The following PCLO variants were observed in gnomAD, a reference collection of about 807,000 sequenced individuals.
PCLO encodes protein piccolo.
PCLO carries 82 observed loss-of-function variants against 427.5 expected under a neutral mutation model. That is an observed-to-expected ratio of 0.19 (90% CI 0.16 to 0.23). The LOEUF is 0.23. Ranked by LOEUF, PCLO falls within the 10% of genes least tolerant of loss-of-function variation. The pLI is 1.00. For synonymous variants in PCLO, 2,357 were observed against 2,155.4 expected, an observed-to-expected ratio of 1.09 and a Z score of -2.59; for missense variants, 6,239 against 6,115.9, an observed-to-expected ratio of 1.02 and a Z score of -0.67.
At chr7:82,910,615 A>G (rs1794299292) in intron 7 of PCLO, among the ~76,000 whole-genome samples, 1 of 152,124 alleles carries the variant, frequency 6.6e-6, no homozygotes, top group Non-Finnish European at 1.5e-5. Context: ...GCATCCAATA[A>G]ATATTGGCAT....
chr7:82,827,987 G>A (rs936486311), intron 16 of PCLO, 21 bp from the exon 17 acceptor site: 2 of 1,351,696 alleles, frequency 1.5e-6, no homozygotes, highest in African/African-American at 2.9e-5. Flanking sequence ...AGAAAAGAAA[G>A]AGTTATCTTG....
Position 82,784,934 on chromosome 7 carries a change from T to C in PCLO, c.15007+16584A>G, listed in dbSNP as rs548663333. On this transcript the variant is annotated intron_variant, in intron 22 of 24. Transcript: ENST00000333891. The stretch of plus-strand genomic sequence containing the variant: ...ATATTTTATGTATCTGTTCCTCTAG[T>C]TATGGAGAAATAAATATATTGCCTC... Among the ~76,000 whole-genome samples, 16 of 152,354 alleles carry C rather than the reference T, an allele frequency of 1.1e-4. No homozygotes were observed. In the South Asian group the frequency reaches 3.1e-3, roughly 30 times the overall value.
chr7:82,979,008 A>G (rs1434869159), intron 3 of PCLO, among the ~76,000 whole-genome samples: 1 of 152,126 alleles, frequency 6.6e-6, no homozygotes, highest in Non-Finnish European at 1.5e-5. Flanking sequence ...CAGTTATAGA[A>G]TTTAGGCTGA....
At chr7:83,129,523 G>A (rs1472026696) in intron 3 of PCLO, among the ~76,000 whole-genome samples, 1 of 152,090 alleles carries the variant, frequency 6.6e-6, no homozygotes, top group African/African-American at 2.4e-5. Flanking sequence ...TACACTAGTG[G>A]TGGCAGTGTT....
At chr7:83,151,652 T>C (rs1462446534) in intron 2 of PCLO, among the ~76,000 whole-genome samples, 1 of 152,182 alleles carries the variant, frequency 6.6e-6, no homozygotes, top group Non-Finnish European at 1.5e-5. Context: ...ATCTTTCATA[T>C]TCCCAGCTCA....
intron 3 of PCLO, among the ~76,000 whole-genome samples, chr7:82,994,443 C>T (rs1796447615): frequency 6.6e-6 from 1 of 151,878 alleles, no homozygotes; most frequent in African/African-American, 2.4e-5. Flanking sequence ...GGTAAGGTGG[C>T]TAAACTGTGA....
At chr7:82,867,103 A>T (rs938401888) in intron 10 of PCLO, among the ~76,000 whole-genome samples, 1 of 152,174 alleles carries the variant, frequency 6.6e-6, no homozygotes, top group East Asian at 1.9e-4. Flanking sequence ...CATTAATTTT[A>T]AAAAAAGAGT....
intron 8 of PCLO, among the ~76,000 whole-genome samples, chr7:82,906,647 G>T (rs1304561276): frequency 6.6e-6 from 1 of 151,974 alleles, no homozygotes; most frequent in African/African-American, 2.4e-5. Flanking sequence ...TTTGGGCAAG[G>T]GAGTGGTTAT....
rs1252916207 is a variant in PCLO, at chr7:82,876,345, T to TGGTA, written c.13654+2988_13654+2991dup. Among the ~76,000 whole-genome samples the TGGTA allele has an allele frequency of 4.6e-5, 7 of 151,952 alleles. No homozygotes were observed. The East Asian group carries it at 9.7e-4, about 21-fold the overall frequency. On this transcript the variant is annotated intron_variant, in intron 10 of 24. Coordinates refer to ENST00000333891, the MANE Select transcript of PCLO (RefSeq NM_033026.6). The stretch of plus-strand genomic sequence containing the variant: ...CTCACATCAGGCATAAAAATCAAGG[T>TGGTA]GGTATCTCAACCAATCTACTGCTTT...
At chr7:82,801,681 A>G in intron 21 of PCLO, 90 bp from the exon 22 acceptor site, 1 of 750,160 alleles carries the variant, frequency 1.3e-6, no homozygotes, top group South Asian at 1.7e-5. Context: ...TGACATTGAT[A>G]GTAATGGCAA....
intron 7 of PCLO, among the ~76,000 whole-genome samples, chr7:82,910,317 C>T (rs1009814394): frequency 2.6e-5 from 4 of 152,036 alleles, no homozygotes; most frequent in African/African-American, 7.2e-5. Flanking sequence ...TCATTGCTGC[C>T]GGGGATGGCA....
intron 8 of PCLO, among the ~76,000 whole-genome samples, chr7:82,904,467 T>C (rs1356500198): frequency 6.6e-6 from 1 of 152,034 alleles, no homozygotes; most frequent in African/African-American, 2.4e-5. Context: ...TTGTAACTGT[T>C]AGGTGTAACT....
At chr7:82,969,918 G>A (rs1312349293) in intron 3 of PCLO, among the ~76,000 whole-genome samples, 5 of 152,054 alleles carry the variant, frequency 3.3e-5, no homozygotes, top group Non-Finnish European at 7.4e-5. Context: ...TTGTGAATGT[G>A]AAATAAATCT....
chr7:82,857,333 C>T (rs1278390124), intron 10 of PCLO, among the ~76,000 whole-genome samples: 1 of 152,038 alleles, frequency 6.6e-6, no homozygotes, highest in Non-Finnish European at 1.5e-5. Context: ...TTAACTGTTG[C>T]CTCCTCTGCT....
intron 6 of PCLO, among the ~76,000 whole-genome samples, 167 bp downstream of exon 6, chr7:82,949,309 A>G (rs1795276224): frequency 6.6e-6 from 1 of 151,948 alleles, no homozygotes; most frequent in Non-Finnish European, 1.5e-5. Context: ...ACACACACGC[A>G]CACACACATA....
rs1583885728 is a variant in PCLO at position 82,997,082 on chromosome 7, G to A, written c.3301-30595C>T. On this transcript the variant is annotated intron_variant, in intron 3 of 24. Transcript: ENST00000333891. ...ATACTAGACTTGAGAATAAAAGTTG[G>A]AGTCGTAGATCAAACACGTTTGGGT... Among the ~76,000 whole-genome samples, 6 of 151,934 alleles carry A rather than the reference G, an allele frequency of 3.9e-5. 1 individual carries two copies. In the Admixed American group the frequency reaches 3.9e-4, roughly 10 times the overall value.
intron 15 of PCLO, among the ~76,000 whole-genome samples, chr7:82,836,517 T>C (rs1400474619): frequency 6.6e-6 from 1 of 152,142 alleles, no homozygotes; most frequent in African/African-American, 2.4e-5. Context: ...CTATTGGTAA[T>C]CTCTACATAA....
At chr7:83,146,356 C>A (rs1461173918) in intron 2 of PCLO, among the ~76,000 whole-genome samples, 1 of 152,214 alleles carries the variant, frequency 6.6e-6, no homozygotes, top group African/African-American at 2.4e-5. Context: ...TAAGGATAAC[C>A]AGTATAAACT....
intron 16 of PCLO, among the ~76,000 whole-genome samples, chr7:82,829,552 TTG>T (rs1792039186): frequency 6.6e-6 from 1 of 152,158 alleles, no homozygotes; most frequent in Non-Finnish European, 1.5e-5. Context: ...AGGGCAGAAT[TTG>T]ACAGCTGTCA....
Sources: gnomAD v4.1 joint callset for allele counts (sites outside exome capture counted in the v4.1 genomes callset) on GRCh38, gnomAD v4.1.1 for gene constraint, MANE v1.5 for transcripts, NCBI Gene and HGNC (gene_info 2026-07-23, HGNC 2026-07-21) for gene names.